Variants in ARHGAP24 observed in about 807,000 individuals in gnomAD.
ARHGAP24 encodes the protein rho GTPase-activating protein 24.
ARHGAP24 carries 50 observed loss-of-function variants against 76.4 expected under a neutral mutation model. The observed-to-expected ratio is 0.65, with a 90% CI of 0.52 to 0.83. The LOEUF (loss-of-function observed/expected upper bound fraction) is 0.83, where lower values mean the gene tolerates loss of function less well. Ranked by LOEUF, ARHGAP24 falls within the 40% of genes least tolerant of loss-of-function variation. The pLI is 0.00. For synonymous variants in ARHGAP24, 345 were observed against 323.3 expected (o/e 1.07, Z -0.72); for missense variants, 930 against 914.2 (o/e 1.02, Z -0.22).
chr4:85,717,662 C>G (rs1051898507), intron 2 of ARHGAP24, among the ~76,000 whole-genome samples: 2 of 152,056 alleles, frequency 1.3e-5, no homozygotes, highest in African/African-American at 2.4e-5. Context: ...AAAGATTAGC[C>G]CTTGGCCACT....
At chr4:85,515,166 C>T (rs963046717) in intron 1 of ARHGAP24, among the ~76,000 whole-genome samples, 1 of 152,048 alleles carries the variant, frequency 6.6e-6, no homozygotes, top group African/African-American at 2.4e-5. Context: ...ACCCTGCATG[C>T]ATGGGCAAAG....
At chr4:85,736,952 T>C (rs1725628817) in intron 3 of ARHGAP24, among the ~76,000 whole-genome samples, 1 of 152,188 alleles carries the variant, frequency 6.6e-6, no homozygotes, top group Non-Finnish European at 1.5e-5. Flanking sequence ...TAATGAAACC[T>C]CATTATTTCT....
intron 3 of ARHGAP24, among the ~76,000 whole-genome samples, chr4:85,874,709 T>C (rs909225892): frequency 6.8e-6 from 1 of 146,910 alleles, no homozygotes; most frequent in Admixed American, 7.1e-5. Flanking sequence ...AAATAATAAT[T>C]GTATTTGTGA....
rs1730274985 is a variant in ARHGAP24 at position 85,836,137 on chromosome 4, T to C, written c.269-87511T>C. 2.0e-5 allele frequency among the ~76,000 whole-genome samples: 3 copies of C among 152,212 alleles called. No homozygotes were observed. The South Asian group carries it at 6.2e-4, about 32-fold the overall frequency. The stretch of plus-strand genomic sequence containing the variant: ...TGACCTCCATCTTTTGTTGTTACCT[T>C]ATCTGGGTATGGGATGTTGTGTTCA... On this transcript the variant is annotated intron_variant, in intron 3 of 9. Transcript: ENST00000395184.
chr4:85,941,496 A>G (rs977503404), intron 4 of ARHGAP24, among the ~76,000 whole-genome samples: 2 of 152,222 alleles, frequency 1.3e-5, no homozygotes, highest in Non-Finnish European at 2.9e-5. Context: ...ATAAGTTAAT[A>G]GTTTAAGACA....
At chr4:85,649,011 A>ATGTGTGTGTGTT (rs1454264960) in intron 2 of ARHGAP24, among the ~76,000 whole-genome samples, 11 of 147,924 alleles carry the variant, frequency 7.4e-5, no homozygotes, top group African/African-American at 2.9e-4. Context: ...ATTTGTAAAT[A>ATGTGTGTGTGTT]TGTGTGTGTG....
Position 85,760,230 on chromosome 4 carries a change from G to C in ARHGAP24, c.268+38258G>C, listed in dbSNP as rs142002697. On this transcript the variant is annotated intron_variant, in intron 3 of 9. Transcript: ENST00000395184. ...ACTGAAACGAAGTCTAGTTTAACTG[G>C]TTCAGGATTACATTATTTTAATATT... is the stretch of plus-strand genomic sequence containing the variant. 4.5e-4 allele frequency among the ~76,000 whole-genome samples: 68 copies of C among 152,124 alleles called. No individual in the cohort carries two copies. In the East Asian group the frequency reaches 6.0e-3, roughly 13 times the overall value.
chr4:85,923,634 C>T lies in ARHGAP24; in HGVS notation c.269-14C>T, dbSNP rs751663517. ...GGATGCAACTTCAGCTGCATTGTTA[C>T]TGTGTTTTCACAGGAGGCGATCGAG... On this transcript the variant is annotated splice_polypyrimidine_tract_variant and intron_variant, in intron 3 of 9. Coordinates refer to ENST00000395184, the MANE Select transcript of ARHGAP24 (RefSeq NM_001025616.3). 13 of 1,613,470 alleles carry T rather than the reference C, an allele frequency of 8.1e-6. No homozygotes were observed. The South Asian group carries it at 1.3e-4, about 16-fold the overall frequency.
chr4:85,607,075 G>C (rs551286876), intron 2 of ARHGAP24, among the ~76,000 whole-genome samples: 61 of 152,306 alleles, frequency 4.0e-4, no homozygotes, highest in Middle Eastern at 6.8e-3. Context: ...TCTTTGGTGA[G>C]AGAGGGCCTG....
intron 2 of ARHGAP24, among the ~76,000 whole-genome samples, chr4:85,587,471 A>G (rs58048238): frequency 0.056 from 8,573 of 152,302 alleles, 797 homozygotes; most frequent in African/African-American, 0.19. Context: ...TGATTTTAAC[A>G]TGTAATGATG....
intron 3 of ARHGAP24, among the ~76,000 whole-genome samples, chr4:85,835,555 CAA>C (rs76896754): frequency 8.0e-4 from 89 of 111,842 alleles, no homozygotes; most frequent in Admixed American, 2.2e-3. Flanking sequence ...GACTCCATCT[CAA>C]AAAAAAAAAA....
At chr4:85,674,230 C>T (rs753189572) in intron 2 of ARHGAP24, among the ~76,000 whole-genome samples, 21 of 152,178 alleles carry the variant, frequency 1.4e-4, no homozygotes, top group Non-Finnish European at 2.8e-4. Context: ...CCAGTGATCA[C>T]ACTTTAAGAA....
At chr4:85,551,316 A>AT (rs1457343931) in intron 1 of ARHGAP24, among the ~76,000 whole-genome samples, 1 of 152,150 alleles carries the variant, frequency 6.6e-6, no homozygotes, top group African/African-American at 2.4e-5. Flanking sequence ...TTCTGTTTAT[A>AT]TGATGGATCA....
chr4:85,511,484 A>G (rs1724281325), intron 1 of ARHGAP24, among the ~76,000 whole-genome samples: 1 of 151,752 alleles, frequency 6.6e-6, no homozygotes, highest in Non-Finnish European at 1.5e-5. Context: ...TTTTATTGAG[A>G]TGGAATTTTG....
chr4:85,622,853 A>G (rs893569558), intron 2 of ARHGAP24, among the ~76,000 whole-genome samples: 2 of 152,102 alleles, frequency 1.3e-5, no homozygotes, highest in African/African-American at 2.4e-5. Flanking sequence ...GCCAGTGATG[A>G]TGAGCATTTT....
intron 3 of ARHGAP24, among the ~76,000 whole-genome samples, chr4:85,894,070 G>T (rs1235076126): frequency 4.6e-5 from 6 of 130,236 alleles, no homozygotes; most frequent in Non-Finnish European, 9.4e-5. Context: ...TGCACAATGT[G>T]CACATGTACC....
chr4:85,515,171 G>A (rs1233793646), intron 1 of ARHGAP24, among the ~76,000 whole-genome samples: 1 of 152,044 alleles, frequency 6.6e-6, no homozygotes, highest in Non-Finnish European at 1.5e-5. Flanking sequence ...GCATGCATGG[G>A]CAAAGTATGT....
chr4:85,778,466 T>C (rs1727389311), intron 3 of ARHGAP24, among the ~76,000 whole-genome samples: 1 of 152,190 alleles, frequency 6.6e-6, no homozygotes, highest in Non-Finnish European at 1.5e-5. Context: ...TTGTTAACTG[T>C]GGCACTAACT....
chr4:85,517,166 T>C (rs1560516729), intron 1 of ARHGAP24, among the ~76,000 whole-genome samples: 2 of 152,208 alleles, frequency 1.3e-5, no homozygotes, highest in Non-Finnish European at 1.5e-5. Flanking sequence ...GTTTTAAATA[T>C]ACAAATTTCA....
Sources: allele counts gnomAD v4.1 joint callset (sites outside exome capture counted in the v4.1 genomes callset), GRCh38; gene constraint gnomAD v4.1.1; transcripts MANE v1.5; gene names NCBI Gene and HGNC (gene_info 2026-07-23, HGNC 2026-07-21).